The following SCUBE2 variants were observed in gnomAD, a reference collection of about 807,000 sequenced individuals.
SCUBE2 encodes signal peptide, CUB domain and EGF like domain containing 2, also known as signal peptide, CUB and EGF-like domain-containing protein 2.
SCUBE2 carries 114 observed loss-of-function variants against 125.9 expected under a neutral mutation model. That is an observed-to-expected ratio of 0.91 (90% CI 0.78 to 1.06). The LOEUF is 1.06. Ranked by LOEUF, SCUBE2 falls within the 50% of genes least tolerant of loss-of-function variation. The pLI is 0.00. For synonymous variants in SCUBE2, 459 were observed against 492.9 expected (o/e 0.93, Z 0.91); for missense variants, 1,255 against 1,301.8 (o/e 0.96, Z 0.55).
chr11:9,028,716 GC>G (rs139778496), intron 19 of SCUBE2, among the ~76,000 whole-genome samples: 3,110 of 152,260 alleles, frequency 0.02, 103 homozygotes, highest in African/African-American at 0.072. Flanking sequence ...GGAAGGGGGA[GC>G]CATGGGGCGG....
In SCUBE2 at chr11:9,089,771, G is replaced by A. The variant is rs764577828; in HGVS notation, c.192C>T (p.Asn64=). Residue 64 remains asparagine (N), a synonymous_variant, in exon 2 of 23, where the codon AAC becomes AAT. Transcript: ENST00000649792. The part of the protein sequence containing the change: ...DDCHADALCQ[N]TPTSYKCSCK... ...AGGAGCACTTGTAGGAGGTGGGTGTGTTCTGACACAGGGCGTCGGCATGGC... is the reference window on the plus strand; with the variant it reads ...AGGAGCACTTGTAGGAGGTGGGTGTATTCTGACACAGGGCGTCGGCATGGC... The A allele has an allele frequency of 2.1e-5, 34 of 1,613,872 alleles. No individual in the cohort carries two copies. In the Admixed American group the frequency reaches 5.3e-4, roughly 25 times the overall value.
At chr11:9,055,762 C>T (rs1859018919) in intron 10 of SCUBE2, 31 bp downstream of exon 10, 6 of 1,575,142 alleles carry the variant, frequency 3.8e-6, no homozygotes, top group Non-Finnish European at 4.4e-6. Context: ...GCCTCATTCC[C>T]CTCCCAACTT....
chr11:9,055,830 G>A lies in SCUBE2; in HGVS notation c.1170C>T (p.Asn390=). The part of the protein sequence containing the change: ...NHPGTFACAC[N]RGYTLYGFTH... ...TGAAGCCATACAGGGTGTACCCTCG[G>A]TTGCAAGCACAAGCAAATGTGCCAG... Residue 390 remains asparagine (N), a synonymous_variant, in exon 10 of 23, where the codon AAC becomes AAT. Transcript: ENST00000649792. 6.2e-7 allele frequency: 1 copy of A among 1,614,190 alleles called. No homozygotes were observed. Among genetic ancestry groups the A allele is most frequent in the Non-Finnish European group, 8.5e-7 (1 of 1,180,038 alleles).
intron 2 of SCUBE2, among the ~76,000 whole-genome samples, chr11:9,080,871 GA>G (rs1283728541): frequency 6.6e-6 from 1 of 151,254 alleles, no homozygotes; most frequent in African/African-American, 2.4e-5. Context: ...ATAAAGAACT[GA>G]AAAAAAACTC....
intron 3 of SCUBE2, among the ~76,000 whole-genome samples, chr11:9,077,565 G>C (rs1453850117): frequency 6.6e-6 from 1 of 152,224 alleles, no homozygotes; most frequent in East Asian, 1.9e-4. Flanking sequence ...GGTCATCCCA[G>C]AGAACTCAGG....
At chr11:9,060,059 A>T (rs1240978808) in intron 8 of SCUBE2, among the ~76,000 whole-genome samples, 2 of 152,200 alleles carry the variant, frequency 1.3e-5, no homozygotes, top group Non-Finnish European at 2.9e-5. Context: ...TTATTTATAT[A>T]ATAATCTCTA....
Position 9,030,905 on chromosome 11 carries a change from A to G in SCUBE2, c.2194T>C (p.Tyr732His). The G allele has an allele frequency of 1.9e-6, 3 of 1,614,064 alleles. No homozygotes were observed. The highest frequency in any genetic ancestry group is 2.5e-6 in the Non-Finnish European group (3 of 1,179,972). The change falls in exon 18 of 23, where the codon TAT becomes CAT. Residue 732 changes from tyrosine (Y) to histidine (H), a missense_variant. Coordinates refer to ENST00000649792, the MANE Select transcript of SCUBE2 (RefSeq NM_001367977.2). Reference sequence around the variant, plus strand: ...CAAGGTGCAAAGCCATCTGCAGAATATTCACCAGGTTGACACAGACCTGGA... The same window carrying G: ...CAAGGTGCAAAGCCATCTGCAGAATGTTCACCAGGTTGACACAGACCTGGA... ...ECGGLCQPGE[Y>H]SADGFAPCQL... is the part of the protein sequence containing the mutation.
chr11:9,053,594 G>C, intron 11 of SCUBE2, 43 bp downstream of exon 11: 1 of 1,606,216 alleles, frequency 6.2e-7, no homozygotes, highest in Non-Finnish European at 8.5e-7. Context: ...CTCTGGGCCA[G>C]TGGCCAGCCT....
At chr11:9,077,751 G>A (rs1861316162) in intron 3 of SCUBE2, among the ~76,000 whole-genome samples, 1 of 152,206 alleles carries the variant, frequency 6.6e-6, no homozygotes, top group South Asian at 2.1e-4. Flanking sequence ...AGATGCTCAA[G>A]GTCTCTCTGC....
chr11:9,030,019 T>G lies in SCUBE2; in HGVS notation c.2368A>C (p.Asn790His). Residue 790 changes from asparagine (N) to histidine (H), a missense_variant, in exon 19 of 23, where the codon AAC becomes CAC. By Grantham distance (68) the Asn-to-His change is moderately conservative. This residue lies in a region of SCUBE2 where 515 missense variants were observed against 515.7 expected (regional missense o/e 1.00). Transcript: ENST00000649792. The part of the protein sequence containing the change: ...RVQCSPGHFY[N>H]TTTHRCIRCP... Reference sequence around the variant, plus strand: ...CGAATACATCGGTGAGTGGTGGTGTTGTAGAAATGTCCAGGTGAACATTGA... The same window carrying G: ...CGAATACATCGGTGAGTGGTGGTGTGGTAGAAATGTCCAGGTGAACATTGA... 1 of 1,614,182 alleles carries G rather than the reference T, an allele frequency of 6.2e-7. No individual in the cohort carries two copies. The highest frequency in any genetic ancestry group is 8.5e-7 in the Non-Finnish European group (1 of 1,180,028).
At chr11:9,051,182 TTATCTATCTATC>T (rs60575374) in intron 13 of SCUBE2, among the ~76,000 whole-genome samples, 3,389 of 142,562 alleles carry the variant, frequency 0.024, 126 homozygotes, top group African/African-American at 0.076. Context: ...AAACAAAAAA[TTATCTATCTATC>T]TATCTATCTA....
At chr11:9,087,343 A>G (rs557874995) in intron 2 of SCUBE2, among the ~76,000 whole-genome samples, 16 of 152,354 alleles carry the variant, frequency 1.1e-4, no homozygotes, top group Admixed American at 4.6e-4. Context: ...GGAGGACGTG[A>G]GTTATCCACA....
chr11:9,027,259 A>G, intron 20 of SCUBE2, 105 bp downstream of exon 20: 3 of 1,032,630 alleles, frequency 2.9e-6, no homozygotes, highest in Non-Finnish European at 4.4e-6. Flanking sequence ...CTGCTCTAAT[A>G]TGGAGGTGAC....
At position 9,051,225 on chromosome 11, in the gene SCUBE2, TCTAC is replaced by T. The variant is rs1555245377; in HGVS notation, c.1535-519_1535-516del. 5.3e-3 allele frequency among the ~76,000 whole-genome samples: 707 copies of T among 132,398 alleles called. 4 individuals carry two copies. The highest frequency in any genetic ancestry group is 9.0e-3 in the Admixed American group (118 of 13,070). The allele number at this position is 132,398 out of a possible 152,430, so 86.9% of individuals were successfully genotyped here. Reference sequence around the variant, plus strand: ...ATCTATCTATCTATCTATCTATCTATCTACCTACCTACCTATCTATCTATCTATC... The same window carrying T: ...ATCTATCTATCTATCTATCTATCTATCTACCTACCTATCTATCTATCTATC... On this transcript the variant is annotated intron_variant, in intron 13 of 22. Coordinates refer to ENST00000649792, the MANE Select transcript of SCUBE2 (RefSeq NM_001367977.2).
chr11:9,052,933 GA>G, intron 12 of SCUBE2, 101 bp from the exon 13 acceptor site: 1 of 1,081,486 alleles, frequency 9.2e-7, no homozygotes, highest in Non-Finnish European at 1.3e-6. Context: ...TGGGCCACTA[GA>G]AAAATGCCCA....
rs775513124 is a variant in SCUBE2, at chr11:9,065,871, A to G, written c.850+20T>C. On this transcript the variant is annotated intron_variant, in intron 7 of 22. Coordinates refer to ENST00000649792, the MANE Select transcript of SCUBE2 (RefSeq NM_001367977.2). ...AAAGGACAATTGCAGTGGCCAAGGA[A>G]AGGGAGTGAAGGTGCCTACCCATGA... 6.2e-7 allele frequency: 1 copy of G among 1,606,522 alleles called. No homozygotes were observed. Among genetic ancestry groups the G allele is most frequent in the Non-Finnish European group, 8.5e-7 (1 of 1,173,116 alleles).
chr11:9,049,530 G>C (rs1858136581), intron 14 of SCUBE2, among the ~76,000 whole-genome samples: 2 of 152,048 alleles, frequency 1.3e-5, no homozygotes, highest in Non-Finnish European at 1.5e-5. Context: ...ACAGGTATGA[G>C]GCACCACAAC....
Position 9,069,373 on chromosome 11 carries a change from T to A in SCUBE2, c.640A>T (p.Ile214Phe). ...GTGTGCACTGGCCCATACTTACAGA[T>A]GCAGTCTCTCTGGTTCTTGGCCAGC... ...FELAKNQRDC[I>F]LTCNHGNGGC... is the part of the protein sequence containing the mutation. The change falls in exon 5 of 23, where the codon ATC (isoleucine) becomes TTC (phenylalanine). Residue 214 changes from isoleucine (I) to phenylalanine (F), a missense_variant. Transcript: ENST00000649792. 6.2e-7 allele frequency: 1 copy of A among 1,614,244 alleles called. No individual in the cohort carries two copies. Among genetic ancestry groups the A allele is most frequent in the South Asian group, 1.1e-5 (1 of 91,090 alleles).
rs1566166608 is a variant in SCUBE2, at chr11:9,029,969, A to C, written c.2418T>G (p.Pro806=). The change falls in exon 19 of 23, where the codon CCT becomes CCG. Residue 806 remains proline (P), a synonymous_variant. Transcript: ENST00000649792. ...AAACACAATTATTTTTTCCAAATTC[A>C]GGCTGGTATGTTCCCACTGGGCAAC... ...CIRCPVGTYQ[P]EFGKNNCVSC... is the part of the protein sequence containing the mutation. 6.8e-6 allele frequency: 11 copies of C among 1,614,218 alleles called. No individual in the cohort carries two copies. Among genetic ancestry groups the C allele is most frequent in the Non-Finnish European group, 7.6e-6 (9 of 1,180,030 alleles).
Sources: gnomAD v4.1 joint callset for allele counts (sites outside exome capture counted in the v4.1 genomes callset) on GRCh38, gnomAD v4.1.1 for gene constraint, gnomAD v4.1.1 regional missense constraint, MANE v1.5 for transcripts, NCBI Gene and HGNC (gene_info 2026-07-23, HGNC 2026-07-21) for gene names.